The following GRIP1 variants were observed in gnomAD, a reference collection of about 807,000 sequenced individuals.
GRIP1 encodes the protein glutamate receptor interacting protein 1.
In GRIP1, 45 loss-of-function variants were observed where a neutral mutation model predicts 129.9. The ratio of observed to expected loss-of-function variants is 0.35; its 90% confidence interval spans 0.27 to 0.44. The LOEUF (loss-of-function observed/expected upper bound fraction) is 0.44. GRIP1 is among the 20% of genes least tolerant of loss of function. The pLI is 1.00. For synonymous variants in GRIP1, 530 were observed against 520.8 expected, an observed-to-expected ratio of 1.02 and a Z score of -0.24; for missense variants, 1,196 against 1,396.8, an observed-to-expected ratio of 0.86 and a Z score of 2.29.
chr12:66,864,519 C>A (rs772659876), intron 1 of GRIP1, among the ~76,000 whole-genome samples: 1 of 151,438 alleles, frequency 6.6e-6, no homozygotes, highest in Non-Finnish European at 1.5e-5. Flanking sequence ...AGTTCGAGAC[C>A]AGCCTGGGCA....
At chr12:66,420,828 CA>C in intron 14 of GRIP1, 39 bp from the exon 15 acceptor site, 1 of 1,046,396 alleles carries the variant, frequency 9.6e-7, no homozygotes, top group South Asian at 1.3e-5. Context: ...TCTTTATATC[CA>C]TTATTCACCC....
chr12:66,764,121 A>G (rs752293930), intron 1 of GRIP1, among the ~76,000 whole-genome samples: 27 of 152,332 alleles, frequency 1.8e-4, no homozygotes, highest in East Asian at 9.6e-4. Flanking sequence ...TCAAAACTAG[A>G]TATAAACAAT....
intron 7 of GRIP1, among the ~76,000 whole-genome samples, chr12:66,476,776 C>A (rs1032871536): frequency 6.6e-6 from 1 of 152,168 alleles, no homozygotes; most frequent in Non-Finnish European, 1.5e-5. Flanking sequence ...AAGACAAAAA[C>A]TACATGATTA....
chr12:66,679,630 G>A (rs142480053), upstream of GRIP1, among the ~76,000 whole-genome samples: 1 of 152,048 alleles, frequency 6.6e-6, no homozygotes, highest in Non-Finnish European at 1.5e-5. Context: ...AAAGGGTTAG[G>A]GCTAGGCAGA....
intron 1 of GRIP1, among the ~76,000 whole-genome samples, chr12:66,779,625 T>C (rs567538793): frequency 6.6e-6 from 1 of 152,344 alleles, no homozygotes; most frequent in East Asian, 1.9e-4. Context: ...AAACCTGGAT[T>C]AGTCATTCAC....
At chr12:66,695,459 C>T (rs745972343) in intron 1 of GRIP1, among the ~76,000 whole-genome samples, 2 of 152,124 alleles carry the variant, frequency 1.3e-5, no homozygotes, top group Admixed American at 1.3e-4. Flanking sequence ...TGTGACTTGT[C>T]GGTGGTTGGC....
intron 5 of GRIP1, among the ~76,000 whole-genome samples, chr12:66,528,159 G>T (rs2061326799): frequency 2.1e-5 from 1 of 47,040 alleles, no homozygotes. Flanking sequence ...TTTTGAGATG[G>T]AGTCTGGCTC....
chr12:66,657,630 T>C (rs2033241618), intron 1 of GRIP1, among the ~76,000 whole-genome samples: 1 of 152,230 alleles, frequency 6.6e-6, no homozygotes, highest in Non-Finnish European at 1.5e-5. Context: ...ATCTGAACCC[T>C]TGCTGGAGAA....
At chr12:66,942,809 G>A (rs2041608572) in intron 1 of GRIP1, among the ~76,000 whole-genome samples, 1 of 152,174 alleles carries the variant, frequency 6.6e-6, no homozygotes, top group South Asian at 2.1e-4. Context: ...AGGTGATTAG[G>A]TCATGAGAGT....
intron 1 of GRIP1, among the ~76,000 whole-genome samples, chr12:66,815,114 G>A (rs191273966): frequency 1.4e-4 from 21 of 152,196 alleles, no homozygotes; most frequent in Non-Finnish European, 2.4e-4. Flanking sequence ...TATAGGAAGC[G>A]TTTCATACAA....
chr12:66,477,372 T>C (rs1413343523), intron 7 of GRIP1, among the ~76,000 whole-genome samples: 3 of 151,582 alleles, frequency 2.0e-5, no homozygotes, highest in Admixed American at 2.0e-4. Flanking sequence ...CTCAATGAAA[T>C]AAAAGAGGAT....
chr12:66,652,620 C>T (rs1282712415), intron 1 of GRIP1, among the ~76,000 whole-genome samples: 3 of 152,204 alleles, frequency 2.0e-5, no homozygotes, highest in African/African-American at 7.2e-5. Context: ...CTGGGCAGGT[C>T]ATATTAGTCT....
chr12:66,586,798 G>A lies in GRIP1; in HGVS notation c.136+10049C>T, dbSNP rs1358844809. The stretch of plus-strand genomic sequence containing the variant: ...TTACTACTTCCACCTCTACCTCCTA[G>A]TCTAAGCCATCATCATTTCTTGCCT... On this transcript the variant is annotated intron_variant, in intron 2 of 24. Transcript: ENST00000359742. 2.0e-5 allele frequency among the ~76,000 whole-genome samples: 3 copies of A among 152,070 alleles called. No homozygotes were observed. The East Asian group carries it at 5.8e-4, about 29-fold the overall frequency.
rs1482102464 is a variant in GRIP1 at position 66,580,400 on chromosome 12, C to T, written c.136+16447G>A. Among the ~76,000 whole-genome samples the T allele has an allele frequency of 4.2e-4, 64 of 151,190 alleles. No individual in the cohort carries two copies. The South Asian group carries it at 0.013, about 30-fold the overall frequency. On this transcript the variant is annotated intron_variant, in intron 2 of 24. Transcript: ENST00000359742. ...TCATCATGACAGGATCAAATTCACA[C>T]ATAACAATATTAACTTTAAATGTAA...
At chr12:66,992,515 T>C (rs1207227502) in intron 1 of GRIP1, among the ~76,000 whole-genome samples, 1 of 150,450 alleles carries the variant, frequency 6.6e-6, no homozygotes, top group Admixed American at 6.6e-5. Flanking sequence ...TTACAAAGCT[T>C]GGTAAATCTA....
At chr12:66,539,350 G>A in intron 3 of GRIP1, 127 bp from the exon 4 acceptor site, 1 of 1,221,074 alleles carries the variant, frequency 8.2e-7, no homozygotes, top group Non-Finnish European at 1.2e-6. Context: ...GACAGCAGAA[G>A]TCCCTGCCTC....
chr12:66,805,528 C>T (rs57592767), upstream of GRIP1, among the ~76,000 whole-genome samples: 1,274 of 152,212 alleles, frequency 8.4e-3, 18 homozygotes, highest in African/African-American at 0.03. Flanking sequence ...TACTGCAGCT[C>T]CATGTTCCCA....
chr12:66,574,792 T>C (rs1231031753), intron 2 of GRIP1, among the ~76,000 whole-genome samples: 3 of 150,834 alleles, frequency 2.0e-5, no homozygotes, highest in Non-Finnish European at 4.4e-5. Flanking sequence ...CTTTTCTTTT[T>C]TTTTTTTTTA....
At position 66,406,394 on chromosome 12, in the gene GRIP1, C is replaced by A. The variant is rs202029416; in HGVS notation, c.1873G>T (p.Ala625Ser). 1 of 1,613,994 alleles carries A rather than the reference C, an allele frequency of 6.2e-7. No individual in the cohort carries two copies. The highest frequency in any genetic ancestry group is 1.1e-5 in the South Asian group (1 of 91,078). ...GTLELGDKLL[A>S]IDNIRLDNCS... is the part of the protein sequence containing the mutation. ...TTGTCCAGCCGGATATTATCTATTGCGAGCAATTTATCCCCAAGTTCCAGG... is the reference window on the plus strand; with the variant it reads ...TTGTCCAGCCGGATATTATCTATTGAGAGCAATTTATCCCCAAGTTCCAGG... Residue 625 changes from alanine (A) to serine (S), a missense_variant, in exon 16 of 25, where the codon GCA becomes TCA. Ala to Ser is a moderately conservative substitution (Grantham distance 99). Transcript: ENST00000359742.
Sources: gnomAD v4.1 joint callset for allele counts (sites outside exome capture counted in the v4.1 genomes callset) on GRCh38, gnomAD v4.1.1 for gene constraint, MANE v1.5 for transcripts, NCBI Gene and HGNC (gene_info 2026-07-23, HGNC 2026-07-21) for gene names.